Variants in CWC27 observed in about 807,000 individuals in gnomAD.
CWC27 encodes the protein CWC27 spliceosome associated cyclophilin.
Under a neutral mutation model 63.6 loss-of-function variants are expected in CWC27, and 47 were observed. The ratio of observed to expected loss-of-function variants is 0.74; its 90% confidence interval spans 0.58 to 0.94. The LOEUF (loss-of-function observed/expected upper bound fraction) is 0.94, where lower values mean the gene tolerates loss of function less well. Among genes scored for constraint, CWC27 ranks in the 40% least tolerant of loss-of-function variants. The pLI is 0.00. For synonymous variants in CWC27, 175 were observed against 179.8 expected (o/e 0.97, Z 0.22); for missense variants, 495 against 554.3 (o/e 0.89, Z 1.07).
Position 64,779,441 on chromosome 5 carries a change from G to A in CWC27, c.140-2480G>A, listed in dbSNP as rs78125815. Among the ~76,000 whole-genome samples, 1,377 of 152,136 alleles carry A rather than the reference G, an allele frequency of 9.1e-3. 22 individuals carry two copies. The highest frequency in any genetic ancestry group is 0.031 in the African/African-American group (1,300 of 41,484). Reference sequence around the variant, plus strand: ...CATACTACATATGTTTTCCTCTTGTGCTTACCTAATGTAAGTACAGAACTA... The same window carrying A: ...CATACTACATATGTTTTCCTCTTGTACTTACCTAATGTAAGTACAGAACTA... On this transcript the variant is annotated intron_variant, in intron 2 of 13. Transcript: ENST00000381070.
At chr5:64,889,645 G>T (rs895889844) in intron 11 of CWC27, among the ~76,000 whole-genome samples, 6 of 151,968 alleles carry the variant, frequency 3.9e-5, no homozygotes, top group African/African-American at 1.5e-4. Context: ...GCAAATTGAG[G>T]CCGGGCGCGG....
At chr5:64,833,655 G>A (rs1434791696) in intron 10 of CWC27, among the ~76,000 whole-genome samples, 3 of 151,648 alleles carry the variant, frequency 2.0e-5, no homozygotes, top group Non-Finnish European at 4.4e-5. Flanking sequence ...TTGGAAGTTG[G>A]TAACTCAGGG....
chr5:64,776,764 A>G (rs1743471497), intron 2 of CWC27, among the ~76,000 whole-genome samples: 1 of 152,068 alleles, frequency 6.6e-6, no homozygotes, highest in Non-Finnish European at 1.5e-5. Context: ...TGAAACACTC[A>G]TATTTATTTT....
chr5:64,836,759 C>G (rs950329827), intron 10 of CWC27, among the ~76,000 whole-genome samples: 1 of 151,972 alleles, frequency 6.6e-6, no homozygotes, highest in African/African-American at 2.4e-5. Context: ...ATTTCTCCAG[C>G]CTTCTTTCCC....
At chr5:64,836,861 A>G (rs1745671714) in intron 10 of CWC27, among the ~76,000 whole-genome samples, 1 of 152,076 alleles carries the variant, frequency 6.6e-6, no homozygotes, top group African/African-American at 2.4e-5. Context: ...TGTGCCCATC[A>G]TTGAGTGCTC....
At chr5:64,891,008 C>G (rs944653252) in intron 11 of CWC27, among the ~76,000 whole-genome samples, 2 of 152,042 alleles carry the variant, frequency 1.3e-5, no homozygotes, top group Non-Finnish European at 2.9e-5. Flanking sequence ...TGATCGCCAA[C>G]CAGCTGACAC....
chr5:64,919,336 G>A (rs2112388403), intron 11 of CWC27, among the ~76,000 whole-genome samples: 1 of 152,242 alleles, frequency 6.6e-6, no homozygotes, highest in African/African-American at 2.4e-5. Flanking sequence ...TTGTACTTGT[G>A]TATTACTGAA....
At chr5:64,815,569 A>C (rs190670241) in intron 10 of CWC27, among the ~76,000 whole-genome samples, 2 of 152,278 alleles carry the variant, frequency 1.3e-5, no homozygotes, top group Admixed American at 1.3e-4. Context: ...CTACGATTTA[A>C]ACAGAAATTG....
intron 7 of CWC27, among the ~76,000 whole-genome samples, chr5:64,790,309 T>C (rs544266020): frequency 1.4e-3 from 220 of 152,262 alleles, no homozygotes; most frequent in Non-Finnish European, 2.7e-3. Context: ...ATTTCCCAAT[T>C]CCTTAACGTC....
intron 11 of CWC27, among the ~76,000 whole-genome samples, chr5:64,907,179 A>G (rs1421130941): frequency 6.6e-6 from 1 of 152,170 alleles, no homozygotes; most frequent in East Asian, 1.9e-4. Context: ...TGAACTTTAA[A>G]GTAGTTTTTT....
At chr5:64,836,225 T>C (rs936148836) in intron 10 of CWC27, among the ~76,000 whole-genome samples, 1 of 151,878 alleles carries the variant, frequency 6.6e-6, no homozygotes, top group African/African-American at 2.4e-5. Context: ...GAAGCCCCTC[T>C]TTTTCCTCAA....
At chr5:64,943,368 T>C (rs1397814587) in intron 11 of CWC27, among the ~76,000 whole-genome samples, 2 of 152,238 alleles carry the variant, frequency 1.3e-5, no homozygotes, top group East Asian at 3.8e-4. Context: ...GCATGCTGCT[T>C]TTTATACAGT....
intron 7 of CWC27, 28 bp downstream of exon 7, chr5:64,789,048 A>G: frequency 6.5e-7 from 1 of 1,527,900 alleles, no homozygotes; most frequent in Non-Finnish European, 9.0e-7. Flanking sequence ...CTTTGTTCTA[A>G]CTTACAAAAG....
At chr5:65,003,264 A>G (rs538113816) in intron 13 of CWC27, among the ~76,000 whole-genome samples, 1 of 152,328 alleles carries the variant, frequency 6.6e-6, no homozygotes, top group African/African-American at 2.4e-5. Flanking sequence ...TAAGCAGCGA[A>G]TTTAATGTGT....
chr5:64,851,896 C>T (rs965907130), intron 10 of CWC27, among the ~76,000 whole-genome samples: 21 of 152,224 alleles, frequency 1.4e-4, no homozygotes, highest in Non-Finnish European at 2.8e-4. Context: ...ATTTATCTCA[C>T]TCGTTTTCTT....
chr5:64,972,892 T>C (rs1033533613), intron 12 of CWC27, among the ~76,000 whole-genome samples: 3 of 152,250 alleles, frequency 2.0e-5, no homozygotes, highest in Admixed American at 6.5e-5. Context: ...AAACAAGTAA[T>C]ACCAGTGAAA....
rs78071840 is a variant in CWC27, at chr5:64,800,180, T to A, written c.670-68T>A. 188 of 1,081,700 alleles carry A rather than the reference T, an allele frequency of 1.7e-4. 1 individual carries two copies. The East Asian group carries it at 4.4e-3, about 25-fold the overall frequency. The allele number at this position is 1,081,700 out of a possible 1,614,324, so 67.0% of individuals were successfully genotyped here. On this transcript the variant is annotated intron_variant, in intron 7 of 13. Coordinates refer to ENST00000381070, the MANE Select transcript of CWC27 (RefSeq NM_005869.4). Reference sequence around the variant, plus strand: ...TATCATTGCTAGGTTTTATGTAAATTTGTTAACTTGTTATTTAGGAATACT... The same window carrying A: ...TATCATTGCTAGGTTTTATGTAAATATGTTAACTTGTTATTTAGGAATACT...
At chr5:64,899,121 G>C (rs113943348) in intron 11 of CWC27, among the ~76,000 whole-genome samples, 1 of 152,200 alleles carries the variant, frequency 6.6e-6, no homozygotes, top group African/African-American at 2.4e-5. Flanking sequence ...AAGGTAAAAG[G>C]GATGACTGAA....
At chr5:64,918,855 C>T (rs1423678337) in intron 11 of CWC27, among the ~76,000 whole-genome samples, 2 of 152,028 alleles carry the variant, frequency 1.3e-5, no homozygotes, top group African/African-American at 2.4e-5. Context: ...AATTCTCTAC[C>T]CACCCACCTC....
Sources: gnomAD v4.1 joint callset for allele counts (sites outside exome capture counted in the v4.1 genomes callset) on GRCh38, gnomAD v4.1.1 for gene constraint, MANE v1.5 for transcripts, NCBI Gene and HGNC (gene_info 2026-07-23, HGNC 2026-07-21) for gene names.